The following MIR2052HG variants were observed in gnomAD, a reference collection of about 807,000 sequenced individuals.
The protein encoded by MIR2052HG is MIR2052 host gene.
chr8:74,647,337 G>A (rs78625194), intron 2 of MIR2052HG, among the ~76,000 whole-genome samples: 3 of 152,166 alleles, frequency 2.0e-5, no homozygotes, highest in African/African-American at 7.2e-5. Flanking sequence ...TGCTTTAACT[G>A]TGAAATGGAG....
At chr8:74,740,222 G>A (rs918335137) in intron 4 of MIR2052HG, among the ~76,000 whole-genome samples, 1 of 152,172 alleles carries the variant, frequency 6.6e-6, no homozygotes, top group Non-Finnish European at 1.5e-5. Flanking sequence ...CCAGTACTTT[G>A]AGAGGCCGAG....
At chr8:74,722,910 G>C (rs969649539) in intron 4 of MIR2052HG, among the ~76,000 whole-genome samples, 1 of 152,156 alleles carries the variant, frequency 6.6e-6, no homozygotes, top group Non-Finnish European at 1.5e-5. Context: ...AACTGACCAC[G>C]CTCTTAACTT....
intron 2 of MIR2052HG, among the ~76,000 whole-genome samples, chr8:74,662,809 A>C (rs1808879390): frequency 6.6e-6 from 1 of 151,864 alleles, no homozygotes; most frequent in Admixed American, 6.6e-5. Context: ...CAGTTGGTGT[A>C]AAAATGAGAA....
At chr8:74,733,143 C>G (rs990669899) in intron 4 of MIR2052HG, among the ~76,000 whole-genome samples, 1 of 151,798 alleles carries the variant, frequency 6.6e-6, no homozygotes, top group Non-Finnish European at 1.5e-5. Context: ...AGGTTAGTTA[C>G]ATATGTATAC....
At position 74,607,776 on chromosome 8, in the gene MIR2052HG, G is replaced by A. The variant is rs183897638; in HGVS notation, n.129-5077G>A. Among the ~76,000 whole-genome samples, 760 of 152,258 alleles carry A rather than the reference G, an allele frequency of 5.0e-3. 12 individuals carry two copies. The highest frequency in any genetic ancestry group is 0.017 in the African/African-American group (710 of 41,554). On this transcript the variant is annotated intron_variant and non_coding_transcript_variant, in intron 1 of 6. Coordinates refer to ENST00000523442, the Ensembl canonical transcript of MIR2052HG. ...ATGGAGTTCAATTAATAAGAGCAAA[G>A]TCTGGTATAAAGAAAGTGACTCTTT...
intron 2 of MIR2052HG, among the ~76,000 whole-genome samples, chr8:74,661,145 C>T (rs998823748): frequency 2.2e-4 from 33 of 151,386 alleles, no homozygotes; most frequent in Admixed American, 2.0e-3. Flanking sequence ...ACCAGCTGGG[C>T]TACCTTGGTT....
At chr8:74,731,574 T>G (rs1809692876) in intron 4 of MIR2052HG, among the ~76,000 whole-genome samples, 1 of 152,118 alleles carries the variant, frequency 6.6e-6, no homozygotes, top group Non-Finnish European at 1.5e-5. Context: ...CTGCATTACC[T>G]AGAGACAACC....
intron 2 of MIR2052HG, among the ~76,000 whole-genome samples, chr8:74,638,466 GA>G (rs1808606013): frequency 1.3e-5 from 2 of 152,144 alleles, no homozygotes; most frequent in Admixed American, 1.3e-4. Flanking sequence ...ACTTGAAGGG[GA>G]TGAAACTAGA....
intron 4 of MIR2052HG, among the ~76,000 whole-genome samples, chr8:74,715,379 A>G (rs1392118048): frequency 4.6e-5 from 7 of 152,196 alleles, no homozygotes; most frequent in Admixed American, 4.6e-4. Context: ...ACAGGCATAG[A>G]ACAGGGACAA....
At chr8:74,703,739 G>A in intron 4 of MIR2052HG, 1 of 427,372 alleles carries the variant, frequency 2.3e-6, no homozygotes, top group Admixed American at 2.5e-5. Flanking sequence ...TGAAAGTCAA[G>A]TGATCTCTTT....
chr8:74,679,552 T>C (rs1328673007), intron 2 of MIR2052HG, among the ~76,000 whole-genome samples: 2 of 123,552 alleles, frequency 1.6e-5, no homozygotes, highest in Non-Finnish European at 3.6e-5. Flanking sequence ...TTATTATTAT[T>C]ATTATTATTA....
exon 1 of MIR2052HG, chr8:74,599,794 G>C (rs914241836): frequency 3.2e-5 from 5 of 154,158 alleles, no homozygotes; most frequent in Non-Finnish European, 7.2e-5. Context: ...ACCTAATCAA[G>C]CCTGGGCAAT....
rs75424984 is a variant in MIR2052HG at position 74,735,554 on chromosome 8, C to G, written n.372-16887C>G. Among the ~76,000 whole-genome samples, 41 of 152,272 alleles carry G rather than the reference C, an allele frequency of 2.7e-4. No homozygotes were observed. The East Asian group carries it at 7.7e-3, about 29-fold the overall frequency. On this transcript the variant is annotated intron_variant and non_coding_transcript_variant, in intron 4 of 6. Transcript: ENST00000523442. The stretch of plus-strand genomic sequence containing the variant: ...CTGTTGGCACCATATTCTCTCATAC[C>G]CTGCTGCTCAGTTGTGCTTGTGCAA...
intron 1 of MIR2052HG, chr8:74,603,492 C>T: frequency 6.3e-7 from 1 of 1,587,580 alleles, no homozygotes; most frequent in Non-Finnish European, 8.7e-7. Flanking sequence ...TGCAGCCAAT[C>T]AAATCGTTTG....
intron 1 of MIR2052HG, chr8:74,603,424 A>G: frequency 1.2e-6 from 2 of 1,608,914 alleles, no homozygotes; most frequent in Non-Finnish European, 1.7e-6. Context: ...CGCAATTTTG[A>G]TCTGTGCCCC....
intron 2 of MIR2052HG, among the ~76,000 whole-genome samples, chr8:74,668,755 C>T (rs1400130554): frequency 6.6e-6 from 1 of 152,186 alleles, no homozygotes; most frequent in Admixed American, 6.5e-5. Context: ...AGAGAGGCAC[C>T]TCGCCAAGGT....
chr8:74,651,822 C>T (rs533262290), intron 2 of MIR2052HG, among the ~76,000 whole-genome samples: 39 of 152,180 alleles, frequency 2.6e-4, no homozygotes, highest in African/African-American at 7.0e-4. Context: ...TCTGAACCAG[C>T]GAGAAGCACA....
At chr8:74,682,922 G>GA (rs1368011965) in intron 2 of MIR2052HG, among the ~76,000 whole-genome samples, 1 of 152,120 alleles carries the variant, frequency 6.6e-6, no homozygotes, top group Non-Finnish European at 1.5e-5. Context: ...AAATAACAAT[G>GA]AAAATGAATG....
At chr8:74,716,400 A>G (rs1384456305) in intron 4 of MIR2052HG, among the ~76,000 whole-genome samples, 1 of 152,170 alleles carries the variant, frequency 6.6e-6, no homozygotes, top group Non-Finnish European at 1.5e-5. Flanking sequence ...CCTTTTATAG[A>G]ATATTATTCC....
Sources: gnomAD v4.1 joint callset for allele counts (sites outside exome capture counted in the v4.1 genomes callset) on GRCh38, gnomAD v4.1.1 for gene constraint, MANE v1.5 for transcripts, NCBI Gene and HGNC (gene_info 2026-07-23, HGNC 2026-07-21) for gene names.